Variants in DAPK1 observed in about 807,000 individuals in gnomAD.
DAPK1 encodes the protein death-associated protein kinase 1.
In DAPK1, 56 loss-of-function variants were observed where a neutral mutation model predicts 144.9. The observed-to-expected ratio is 0.39, with a 90% CI of 0.31 to 0.48. DAPK1 has a LOEUF of 0.48. DAPK1 is among the 20% of genes least tolerant of loss of function. The probability of loss-of-function intolerance (pLI) is 0.95; values close to 1 mark genes in which losing one functional copy is unlikely to be tolerated. For missense variants in DAPK1, 1,454 were observed against 1,875.4 expected, an observed-to-expected ratio of 0.78 and a Z score of 4.15; for synonymous variants, 690 against 749.0, an observed-to-expected ratio of 0.92 and a Z score of 1.29.
intron 2 of DAPK1, among the ~76,000 whole-genome samples, chr9:87,556,678 A>G (rs1165782721): frequency 3.9e-5 from 6 of 152,154 alleles, no homozygotes; most frequent in Admixed American, 6.5e-5. Context: ...TTCACTTGTG[A>G]TCATGGTACA....
chr9:87,588,037 A>G (rs1170000738), intron 2 of DAPK1, among the ~76,000 whole-genome samples: 1 of 152,224 alleles, frequency 6.6e-6, no homozygotes, highest in East Asian at 1.9e-4. Flanking sequence ...TTTGTCAATC[A>G]TTGAGGTACC....
At chr9:87,699,827 T>C (rs1825397653) in intron 23 of DAPK1, among the ~76,000 whole-genome samples, 1 of 152,202 alleles carries the variant, frequency 6.6e-6, no homozygotes, top group African/African-American at 2.4e-5. Flanking sequence ...GCCTCACCTT[T>C]CCTGCCTCGG....
intron 2 of DAPK1, among the ~76,000 whole-genome samples, chr9:87,576,881 C>T (rs1012770090): frequency 6.6e-6 from 1 of 152,112 alleles, no homozygotes; most frequent in Non-Finnish European, 1.5e-5. Context: ...TTTTAATTGT[C>T]CTACAATAGA....
chr9:87,543,426 A>T (rs1424875558), intron 2 of DAPK1, among the ~76,000 whole-genome samples: 2 of 152,256 alleles, frequency 1.3e-5, no homozygotes, highest in Non-Finnish European at 2.9e-5. Flanking sequence ...AATCATTTTG[A>T]GTGCAGTTTC....
intron 18 of DAPK1, among the ~76,000 whole-genome samples, chr9:87,665,759 A>G (rs1831027951): frequency 6.6e-6 from 1 of 152,194 alleles, no homozygotes; most frequent in Non-Finnish European, 1.5e-5. Context: ...CATGGGGCCA[A>G]CTTGGGAATC....
intron 2 of DAPK1, among the ~76,000 whole-genome samples, chr9:87,547,936 G>A (rs1287193707): frequency 6.6e-6 from 1 of 152,172 alleles, no homozygotes; most frequent in Admixed American, 6.5e-5. Flanking sequence ...TGTGTCCAGG[G>A]CCCAGTCAGG....
intron 10 of DAPK1, 79 bp from the exon 11 acceptor site, chr9:87,643,297 C>T: frequency 2.5e-6 from 2 of 785,816 alleles, no homozygotes; most frequent in Non-Finnish European, 4.0e-6. Flanking sequence ...ACAATTGTTA[C>T]ATAAGCTGTC....
chr9:87,508,313 A>G (rs1048601800), intron 2 of DAPK1, among the ~76,000 whole-genome samples: 3 of 147,716 alleles, frequency 2.0e-5, no homozygotes, highest in African/African-American at 2.5e-5. Flanking sequence ...CACTGGTCCA[A>G]CTTTTCCTTT....
intron 2 of DAPK1, among the ~76,000 whole-genome samples, chr9:87,533,851 C>A (rs1051595859): frequency 6.6e-6 from 1 of 152,106 alleles, no homozygotes; most frequent in Non-Finnish European, 1.5e-5. Context: ...TGAGTTGAGA[C>A]GGGGTTTCGC....
chr9:87,684,460 G>A (rs1215396202), intron 20 of DAPK1, among the ~76,000 whole-genome samples: 3 of 152,216 alleles, frequency 2.0e-5, no homozygotes, highest in African/African-American at 4.8e-5. Flanking sequence ...CAGACAGCAA[G>A]AAGTTTGCTT....
intron 2 of DAPK1, among the ~76,000 whole-genome samples, chr9:87,534,476 A>T (rs1825799606): frequency 6.6e-6 from 1 of 152,130 alleles, no homozygotes; most frequent in South Asian, 2.1e-4. Flanking sequence ...TATTAGTAGG[A>T]TGCCTTAGTT....
chr9:87,591,425 AT>A (rs1828129204), intron 2 of DAPK1, among the ~76,000 whole-genome samples: 2 of 152,230 alleles, frequency 1.3e-5, no homozygotes, highest in African/African-American at 4.8e-5. Context: ...TTGTTTTTCC[AT>A]GTTCAGAAAG....
chr9:87,644,219 C>A (rs1339134473), intron 11 of DAPK1, among the ~76,000 whole-genome samples: 2 of 152,164 alleles, frequency 1.3e-5, no homozygotes, highest in Non-Finnish European at 2.9e-5. Context: ...ATTTTCCCCT[C>A]TAATCCAAAC....
At chr9:87,532,520 CTA>C (rs1825732288) in intron 2 of DAPK1, among the ~76,000 whole-genome samples, 2 of 152,220 alleles carry the variant, frequency 1.3e-5, no homozygotes, top group South Asian at 4.1e-4. Flanking sequence ...TGCCTTTATC[CTA>C]TGTTTTTTAA....
chr9:87,520,573 A>G (rs1288278432), intron 2 of DAPK1, among the ~76,000 whole-genome samples: 1 of 152,198 alleles, frequency 6.6e-6, no homozygotes, highest in Non-Finnish European at 1.5e-5. Context: ...AAAATCCGCC[A>G]CTTTGGGGGG....
chr9:87,697,919 A>T (rs1426302161), intron 22 of DAPK1, among the ~76,000 whole-genome samples: 2 of 152,226 alleles, frequency 1.3e-5, no homozygotes, highest in East Asian at 3.9e-4. Flanking sequence ...GTGCCACTGC[A>T]CTTAGCCTGG....
chr9:87,632,252 G>A (rs1189119819), intron 3 of DAPK1: 7 of 982,230 alleles, frequency 7.1e-6, no homozygotes, highest in Non-Finnish European at 8.5e-6. Flanking sequence ...TAGGAGTGAA[G>A]GGTGATCAGT....
In DAPK1 at chr9:87,706,029, C is replaced by T. The variant is rs567062861; in HGVS notation, c.3061-103C>T. 54 of 821,744 alleles carry T rather than the reference C, an allele frequency of 6.6e-5. No homozygotes were observed. In the Middle Eastern group the frequency reaches 1.2e-3, roughly 19 times the overall value. The allele number at this position is 821,744 out of a possible 1,614,324, so 50.9% of individuals were successfully genotyped here. ...CTTGGGTCACTCCTTAGAGCATCTG[C>T]TCAGCCTCTGTTGCCGGCATCAGGC... On this transcript the variant is annotated intron_variant, in intron 25 of 25. Coordinates refer to ENST00000408954, the MANE Select transcript of DAPK1 (RefSeq NM_004938.4). The surrounding 1 kb of genome is among the most constrained non-coding windows in gnomAD (Gnocchi z 9.0).
At chr9:87,584,634 C>T (rs1446863367) in intron 2 of DAPK1, among the ~76,000 whole-genome samples, 4 of 151,280 alleles carry the variant, frequency 2.6e-5, no homozygotes, top group African/African-American at 9.7e-5. Context: ...CTGATAGCAG[C>T]CATTCTAACA....
Sources: allele counts gnomAD v4.1 joint callset (sites outside exome capture counted in the v4.1 genomes callset), GRCh38; gene constraint gnomAD v4.1.1; non-coding constraint Gnocchi (gnomAD v3.1); transcripts MANE v1.5; gene names NCBI Gene and HGNC (gene_info 2026-07-23, HGNC 2026-07-21).